CNTNAP2: variants seen among roughly 807,000 people sequenced by gnomAD.
CNTNAP2 encodes contactin-associated protein-like 2.
In CNTNAP2, 98 loss-of-function variants were observed where a neutral mutation model predicts 155.2. The observed-to-expected ratio is 0.63, with a 90% CI of 0.54 to 0.75. The LOEUF is 0.75. CNTNAP2 is among the 30% of genes least tolerant of loss of function. CNTNAP2 has a pLI of 0.00. For missense variants in CNTNAP2, 1,727 were observed against 1,688.1 expected (o/e 1.02, Z -0.40); for synonymous variants, 651 against 631.2 (o/e 1.03, Z -0.47).
In CNTNAP2 at chr7:147,986,795, A is replaced by G. The variant is rs1801624873; in HGVS notation, c.2383+8806A>G. The stretch of plus-strand genomic sequence containing the variant: ...TGAGATCAATCATCTGGAAATCTTG[A>G]TAGAAAACCTACAGCCACAGAAGTG... On this transcript the variant is annotated intron_variant, in intron 15 of 23. Transcript: ENST00000361727. Among the ~76,000 whole-genome samples the G allele has an allele frequency of 1.3e-5, 2 of 152,106 alleles. 1 individual carries two copies. The highest frequency in any genetic ancestry group is 4.1e-4 in the South Asian group (2 of 4,834).
At chr7:146,579,606 C>T (rs1452647321) in intron 1 of CNTNAP2, among the ~76,000 whole-genome samples, 1 of 152,020 alleles carries the variant, frequency 6.6e-6, no homozygotes, top group Non-Finnish European at 1.5e-5. Context: ...GCTGACTGCC[C>T]GCTAGAGACT....
At chr7:146,745,658 T>C (rs906912776) in intron 1 of CNTNAP2, among the ~76,000 whole-genome samples, 1 of 151,274 alleles carries the variant, frequency 6.6e-6, no homozygotes, top group African/African-American at 2.4e-5. Context: ...TCCCAGCTAC[T>C]CAGGAGGCTG....
intron 13 of CNTNAP2, among the ~76,000 whole-genome samples, chr7:147,726,106 CAG>C (rs201059023): frequency 0.011 from 1,666 of 152,062 alleles, 93 homozygotes; most frequent in Admixed American, 0.087. Flanking sequence ...GGCATGGAAT[CAG>C]GGGGATAACG....
chr7:148,350,634 C>G (rs1798410800), intron 21 of CNTNAP2, among the ~76,000 whole-genome samples: 1 of 152,170 alleles, frequency 6.6e-6, no homozygotes, highest in African/African-American at 2.4e-5. Context: ...CAGAACCAAC[C>G]TTTCGTAGTT....
chr7:148,188,319 G>A (rs1384909743), intron 18 of CNTNAP2, among the ~76,000 whole-genome samples: 2 of 152,186 alleles, frequency 1.3e-5, no homozygotes, highest in African/African-American at 4.8e-5. Context: ...AATGTGGACG[G>A]AATTGAAATG....
intron 2 of CNTNAP2, among the ~76,000 whole-genome samples, chr7:146,834,815 A>G (rs1242142422): frequency 6.6e-6 from 1 of 152,184 alleles, no homozygotes; most frequent in Non-Finnish European, 1.5e-5. Flanking sequence ...GCCCTCTTAT[A>G]TACCACATTC....
At chr7:147,523,318 C>A (rs893688318) in intron 11 of CNTNAP2, among the ~76,000 whole-genome samples, 1 of 151,978 alleles carries the variant, frequency 6.6e-6, no homozygotes, top group African/African-American at 2.4e-5. Flanking sequence ...GAGGAGACAG[C>A]GAGAGAGAGA....
chr7:147,883,810 A>G (rs2538985), intron 13 of CNTNAP2, among the ~76,000 whole-genome samples: 86,614 of 151,984 alleles, frequency 0.57, 25,273 homozygotes, highest in African/African-American at 0.69. Flanking sequence ...TAATGACTTG[A>G]ATTCGTGCAT....
At chr7:147,121,460 A>T in intron 6 of CNTNAP2, 1 of 315,020 alleles carries the variant, frequency 3.2e-6, no homozygotes, top group Non-Finnish European at 6.0e-6. Flanking sequence ...TAATCCTTTC[A>T]TTGGTAGTTA....
chr7:147,573,522 G>C (rs906317408), intron 12 of CNTNAP2, among the ~76,000 whole-genome samples: 1 of 152,096 alleles, frequency 6.6e-6, no homozygotes, highest in African/African-American at 2.4e-5. Flanking sequence ...TTCAGGGCTA[G>C]GACAAGGCAG....
At chr7:146,703,764 A>G (rs940183512) in intron 1 of CNTNAP2, among the ~76,000 whole-genome samples, 2 of 152,082 alleles carry the variant, frequency 1.3e-5, no homozygotes, top group African/African-American at 4.8e-5. Flanking sequence ...TCACCTCCCA[A>G]AGGTCCCACC....
chr7:147,613,126 G>A (rs1426977900), intron 12 of CNTNAP2, among the ~76,000 whole-genome samples: 1 of 152,082 alleles, frequency 6.6e-6, no homozygotes, highest in Admixed American at 6.5e-5. Context: ...TCAGGGTATA[G>A]GTGTTCATAT....
chr7:146,870,072 T>C (rs1274137021), intron 3 of CNTNAP2, among the ~76,000 whole-genome samples: 1 of 152,180 alleles, frequency 6.6e-6, no homozygotes, highest in African/African-American at 2.4e-5. Flanking sequence ...TGCCAGGTTT[T>C]GGTATCAAGA....
chr7:147,095,256 G>A (rs1475398660), intron 4 of CNTNAP2, among the ~76,000 whole-genome samples: 9 of 144,742 alleles, frequency 6.2e-5, no homozygotes, highest in East Asian at 2.0e-4. Flanking sequence ...GGCTGGTCTC[G>A]AACTCTTTAC....
intron 8 of CNTNAP2, among the ~76,000 whole-genome samples, chr7:147,136,632 G>C (rs547696988): frequency 6.6e-6 from 1 of 152,034 alleles, no homozygotes; most frequent in South Asian, 2.1e-4. Context: ...TCCAGGCAGT[G>C]TCTATTCTAA....
In CNTNAP2 at chr7:146,822,049, G is replaced by A. The variant is rs62481402; in HGVS notation, c.209-17662G>A. On this transcript the variant is annotated intron_variant, in intron 2 of 23. Coordinates refer to ENST00000361727, the MANE Select transcript of CNTNAP2 (RefSeq NM_014141.6). Reference sequence around the variant, plus strand: ...TATGTTTATTGCGGCACTATTCACAGTAGCAAAGACTTGGAACCAACCCAA... The same window carrying A: ...TATGTTTATTGCGGCACTATTCACAATAGCAAAGACTTGGAACCAACCCAA... Among the ~76,000 whole-genome samples, 344 of 151,944 alleles carry A rather than the reference G, an allele frequency of 2.3e-3. 2 individuals carry two copies. Among genetic ancestry groups the A allele is most frequent in the African/African-American group, 7.8e-3 (322 of 41,436 alleles).
intron 13 of CNTNAP2, among the ~76,000 whole-genome samples, chr7:147,779,725 T>A (rs1398613758): frequency 1.3e-5 from 2 of 152,092 alleles, no homozygotes; most frequent in African/African-American, 4.8e-5. Context: ...TTTCACAGAG[T>A]AATATGTTTT....
At chr7:148,339,946 A>T (rs1197298609) in intron 21 of CNTNAP2, among the ~76,000 whole-genome samples, 1 of 149,812 alleles carries the variant, frequency 6.7e-6, no homozygotes, top group Admixed American at 6.6e-5. Flanking sequence ...AAGGAAAACG[A>T]GGAGAATCTG....
At chr7:146,687,576 T>C (rs1170975137) in intron 1 of CNTNAP2, among the ~76,000 whole-genome samples, 1 of 124,304 alleles carries the variant, frequency 8.0e-6, no homozygotes, top group Non-Finnish European at 1.9e-5. Flanking sequence ...TTTTAATACA[T>C]GGATGTGGAT....
Sources: gnomAD v4.1 joint callset for allele counts (sites outside exome capture counted in the v4.1 genomes callset) on GRCh38, gnomAD v4.1.1 for gene constraint, MANE v1.5 for transcripts, NCBI Gene and HGNC (gene_info 2026-07-23, HGNC 2026-07-21) for gene names.